The following COPS3 variants were observed in gnomAD, a reference collection of about 807,000 sequenced individuals.
COPS3 encodes COP9 signalosome complex subunit 3.
A neutral mutation model predicts 58.2 loss-of-function variants in COPS3; 10 were observed. The observed-to-expected ratio is 0.17, with a 90% CI of 0.11 to 0.29. The LOEUF is 0.29. Ranked by LOEUF, COPS3 falls within the 10% of genes least tolerant of loss-of-function variation. The pLI is 1.00. For missense variants in COPS3, 333 were observed against 510.1 expected, an observed-to-expected ratio of 0.65 and a Z score of 3.34; for synonymous variants, 187 against 181.7, an observed-to-expected ratio of 1.03 and a Z score of -0.24.
At position 17,263,505 on chromosome 17, in the gene COPS3, C is replaced by CTTTTTTTT. The variant is rs1400982096; in HGVS notation, c.621+1296_621+1297insAAAAAAAA. 2.9e-4 allele frequency among the ~76,000 whole-genome samples: 32 copies of CTTTTTTTT among 108,494 alleles called. 3 individuals carry two copies. Among genetic ancestry groups the CTTTTTTTT allele is most frequent in the South Asian group, 6.7e-4 (2 of 2,972 alleles). 71.2% of individuals were successfully genotyped at this position (108,494 alleles called of 152,430 possible). A position where few individuals can be genotyped will look rare whatever the true frequency, so the allele number is the denominator to read the frequency against. On this transcript the variant is annotated intron_variant, in intron 6 of 11. Transcript: ENST00000268717. Reference sequence around the variant, plus strand: ...TGAGCCACCTCACCCAGCCTCTTGCCTTTTCTTTTTTTTTTTTTTTTTTTT... The same window carrying CTTTTTTTT: ...TGAGCCACCTCACCCAGCCTCTTGCCTTTTTTTTTTTTCTTTTTTTTTTTTTTTTTTTT...
chr17:17,254,061 A>G (rs149938368), intron 9 of COPS3, among the ~76,000 whole-genome samples: 160 of 151,872 alleles, frequency 1.1e-3, no homozygotes, highest in Non-Finnish European at 1.1e-3. Context: ...AATCCCAACA[A>G]TTTGGGAGGC....
intron 8 of COPS3, among the ~76,000 whole-genome samples, chr17:17,258,934 A>G (rs1393670764): frequency 6.6e-6 from 1 of 152,066 alleles, no homozygotes. Flanking sequence ...ATTTGGAAGG[A>G]TTCTTTTTCT....
At chr17:17,280,818 T>G (rs920103802) in intron 1 of COPS3, 2 of 1,245,040 alleles carry the variant, frequency 1.6e-6, no homozygotes, top group Non-Finnish European at 2.1e-6. Flanking sequence ...TCGCCCGAGA[T>G]GGCTCCTGGC....
chr17:17,271,577 T>C (rs2048342616), intron 2 of COPS3, among the ~76,000 whole-genome samples: 1 of 151,500 alleles, frequency 6.6e-6, no homozygotes, highest in South Asian at 2.1e-4. Context: ...CCCAGCACCT[T>C]GGGAGGCCAA....
chr17:17,266,376 A>C (rs868299136), intron 5 of COPS3, among the ~76,000 whole-genome samples: 64 of 152,244 alleles, frequency 4.2e-4, no homozygotes, highest in Non-Finnish European at 7.6e-4. Context: ...TTTTGGAAGG[A>C]TACACGAGAA....
intron 2 of COPS3, among the ~76,000 whole-genome samples, chr17:17,271,245 C>T (rs1482677738): frequency 6.6e-6 from 1 of 151,920 alleles, no homozygotes; most frequent in Non-Finnish European, 1.5e-5. Flanking sequence ...GTCTGAGCAA[C>T]ATGGTGAGAC....
chr17:17,281,031 C>A, intron 1 of COPS3, 101 bp downstream of exon 1: 1 of 1,343,530 alleles, frequency 7.4e-7, no homozygotes, highest in South Asian at 1.3e-5. Flanking sequence ...AGAAGAGTCT[C>A]AGGACTAAAA....
intron 1 of COPS3, chr17:17,280,742 C>T (rs773239090): frequency 2.4e-6 from 3 of 1,241,132 alleles, no homozygotes; most frequent in African/African-American, 1.6e-5. Context: ...AGCTGCGGAT[C>T]GGCGGCAAAG....
At chr17:17,280,539 TAA>T in intron 1 of COPS3, 7 of 1,227,488 alleles carry the variant, frequency 5.7e-6, no homozygotes, top group Non-Finnish European at 7.4e-6. Flanking sequence ...CAGCCTCGGC[TAA>T]AAAAAAACAA....
chr17:17,263,514 T>TTC (rs2048154981), intron 6 of COPS3, among the ~76,000 whole-genome samples: 1 of 132,430 alleles, frequency 7.6e-6, no homozygotes, highest in Non-Finnish European at 1.6e-5. Context: ...CCTTTTCTTT[T>TTC]TTTTTTTTTT....
rs138154848 is a variant in COPS3 at position 17,264,869 on chromosome 17, T to C, written c.554A>G (p.Tyr185Cys). Residue 185 changes from tyrosine (Y) to cysteine (C), a missense_variant, in exon 6 of 12, where the codon TAT becomes TGT. Physicochemically the swap from Tyr to Cys is radical, Grantham distance 194. Transcript: ENST00000268717. The part of the protein sequence containing the change: ...AYDAKHFLCY[Y>C]YYGGMIYTGL... ...AGTATAGATCATCCCTCCATAATAA[T>C]AGTAACATAAAAAGTGTTTTGCATC... is the stretch of plus-strand genomic sequence containing the variant. The C allele has an allele frequency of 9.9e-6, 16 of 1,613,504 alleles. No homozygotes were observed. The highest frequency in any genetic ancestry group is 1.7e-4 in the Middle Eastern group (1 of 6,052).
intron 4 of COPS3, 100 bp from the exon 5 acceptor site, chr17:17,268,077 G>C (rs1417247300): frequency 7.1e-6 from 10 of 1,411,976 alleles, no homozygotes; most frequent in Non-Finnish European, 8.4e-6. Context: ...TAATTGATAG[G>C]TTCCTTTAAA....
At chr17:17,271,883 A>G (rs2048360011) in intron 2 of COPS3, among the ~76,000 whole-genome samples, 1 of 131,088 alleles carries the variant, frequency 7.6e-6, no homozygotes, top group Non-Finnish European at 1.8e-5. Context: ...CATATGTTTA[A>G]TAATATATAT....
chr17:17,263,942 G>A (rs760298166), intron 6 of COPS3, among the ~76,000 whole-genome samples: 10 of 152,262 alleles, frequency 6.6e-5, no homozygotes, highest in Non-Finnish European at 1.5e-4. Context: ...ATAATTTTCC[G>A]AATGCGTAGT....
Position 17,281,147 on chromosome 17 carries a change from G to C in COPS3, c.40C>G (p.Gln14Glu). ...AGGGCGTTACCTTGAGCTGAGAGCT[G>C]TCGGACACTGTTCACGAACTGCTCC... ...ALEQFVNSVR[Q>E]LSAQGQMTQL... is the part of the protein sequence containing the mutation. The change falls in exon 1 of 12, where the codon CAG (glutamine) becomes GAG (glutamate). Residue 14 changes from glutamine (Q) to glutamate (E), a missense_variant. Gln to Glu is a conservative substitution (Grantham distance 29). Coordinates refer to ENST00000268717, the MANE Select transcript of COPS3 (RefSeq NM_003653.4). 1 of 1,611,238 alleles carries C rather than the reference G, an allele frequency of 6.2e-7. No homozygotes were observed. Among genetic ancestry groups the C allele is most frequent in the Non-Finnish European group, 8.5e-7 (1 of 1,178,934 alleles).
intron 8 of COPS3, 64 bp downstream of exon 8, chr17:17,260,237 G>A (rs755614179): frequency 2.7e-6 from 4 of 1,506,104 alleles, no homozygotes; most frequent in Non-Finnish European, 3.7e-6. Context: ...TGAAAAGGGA[G>A]AGAAAGGGAA....
At chr17:17,261,297 C>A (rs1017387448) in intron 7 of COPS3, among the ~76,000 whole-genome samples, 1 of 152,088 alleles carries the variant, frequency 6.6e-6, no homozygotes, top group South Asian at 2.1e-4. Flanking sequence ...GAGGCCGAGG[C>A]GGGTGGATCA....
At position 17,267,322 on chromosome 17, in the gene COPS3, C is replaced by T. The variant is rs148921861; in HGVS notation, c.441+563G>A. On this transcript the variant is annotated intron_variant, in intron 5 of 11. Transcript: ENST00000268717. ...CAGCCTGGGCGACAGAGCAAGACTC[C>T]GTCTCAAAAAAAAAAAAAAAAAAAA... 9.5e-3 allele frequency among the ~76,000 whole-genome samples: 1,124 copies of T among 118,454 alleles called. 15 individuals carry two copies. Among genetic ancestry groups the T allele is most frequent in the African/African-American group, 0.032 (1,016 of 31,346 alleles). The allele number at this position is 118,454 out of a possible 152,430, so 77.7% of individuals were successfully genotyped here. A position where few individuals can be genotyped will look rare whatever the true frequency, so the allele number is the denominator to read the frequency against.
At chr17:17,280,904 G>T (rs1296217495) in intron 1 of COPS3, 2 of 935,770 alleles carry the variant, frequency 2.1e-6, no homozygotes, top group Admixed American at 3.2e-5. Flanking sequence ...GGCTCCCGGC[G>T]GCCCGAGGGA....
Sources: allele counts gnomAD v4.1 joint callset (sites outside exome capture counted in the v4.1 genomes callset), GRCh38; gene constraint gnomAD v4.1.1; transcripts MANE v1.5; gene names NCBI Gene and HGNC (gene_info 2026-07-23, HGNC 2026-07-21).